The following ADAMTS20 variants were observed in gnomAD, a reference collection of about 807,000 sequenced individuals.
ADAMTS20 encodes the protein A disintegrin and metalloproteinase with thrombospondin motifs 20.
Under a neutral mutation model 260.1 loss-of-function variants are expected in ADAMTS20, and 225 were observed. The observed-to-expected ratio is 0.87, with a 90% CI of 0.78 to 0.97. The LOEUF is 0.97. Among genes scored for constraint, ADAMTS20 ranks in the 50% least tolerant of loss-of-function variants. ADAMTS20 has a pLI of 0.00. For missense variants in ADAMTS20, 2,400 were observed against 2,337.7 expected (o/e 1.03, Z -0.55); for synonymous variants, 802 against 769.5 (o/e 1.04, Z -0.70).
At chr12:43,430,878 T>C (rs1941429288) in intron 22 of ADAMTS20, among the ~76,000 whole-genome samples, 1 of 152,086 alleles carries the variant, frequency 6.6e-6, no homozygotes, top group Non-Finnish European at 1.5e-5. Flanking sequence ...AAAGGGAAAA[T>C]GAGAGAAGGC....
At chr12:43,460,990 T>TATATATATATA (rs1942054178) in intron 11 of ADAMTS20, among the ~76,000 whole-genome samples, 1 of 27,830 alleles carries the variant, frequency 3.6e-5, no homozygotes, top group African/African-American at 1.1e-4. Context: ...ATATATATAT[T>TATATATATATA]TTTTTTTTTT....
At chr12:43,380,757 AATTC>A (rs1940332333) in intron 31 of ADAMTS20, among the ~76,000 whole-genome samples, 1 of 152,174 alleles carries the variant, frequency 6.6e-6, no homozygotes, top group African/African-American at 2.4e-5. Flanking sequence ...AATTAATGGA[AATTC>A]ATTCCACATT....
intron 11 of ADAMTS20, among the ~76,000 whole-genome samples, chr12:43,458,547 A>T (rs1046796305): frequency 6.6e-6 from 1 of 152,176 alleles, no homozygotes; most frequent in Admixed American, 6.5e-5. Flanking sequence ...TTTACCCCAG[A>T]TATCCTCATA....
At chr12:43,500,611 T>C (rs980033120) in intron 4 of ADAMTS20, among the ~76,000 whole-genome samples, 1 of 152,296 alleles carries the variant, frequency 6.6e-6, no homozygotes, top group Non-Finnish European at 1.5e-5. Context: ...AAAAATTCAA[T>C]TGAAGTAAAC....
chr12:43,540,168 C>T (rs1054554187), intron 2 of ADAMTS20, among the ~76,000 whole-genome samples: 1 of 152,206 alleles, frequency 6.6e-6, no homozygotes, highest in Non-Finnish European at 1.5e-5. Context: ...CCATGCCCGG[C>T]CAACCACAGA....
intron 8 of ADAMTS20, 50 bp from the exon 9 acceptor site, chr12:43,466,845 T>A (rs368041287): frequency 2.9e-5 from 38 of 1,329,400 alleles, no homozygotes; most frequent in Non-Finnish European, 3.9e-5. Flanking sequence ...ATGCTTACGA[T>A]ATTAGTAATA....
At chr12:43,460,988 A>ATATATTTTTTTTTTTTTTTT in intron 11 of ADAMTS20, among the ~76,000 whole-genome samples, 1 of 26,396 alleles carries the variant, frequency 3.8e-5, no homozygotes, top group African/African-American at 1.3e-4. Context: ...ATATATATAT[A>ATATATTTTTTTTTTTTTTTT]TTTTTTTTTT....
intron 28 of ADAMTS20, chr12:43,423,530 G>A (rs1941273204): frequency 3.4e-6 from 2 of 584,310 alleles, no homozygotes; most frequent in Non-Finnish European, 3.0e-6. Context: ...TTAGCAGTTA[G>A]GATTCTGCTC....
intron 10 of ADAMTS20, among the ~76,000 whole-genome samples, chr12:43,463,562 G>GT (rs1405337745): frequency 4.6e-5 from 7 of 151,960 alleles, no homozygotes; most frequent in Non-Finnish European, 8.8e-5. Flanking sequence ...TAAATTCAAA[G>GT]TTTATTTAGT....
At chr12:43,422,319 T>C (rs1941251174) in intron 28 of ADAMTS20, among the ~76,000 whole-genome samples, 1 of 151,934 alleles carries the variant, frequency 6.6e-6, no homozygotes. Flanking sequence ...GCATACACAC[T>C]CTTAATTTTC....
chr12:43,527,610 GA>G (rs1435351589), intron 3 of ADAMTS20, among the ~76,000 whole-genome samples: 1 of 151,904 alleles, frequency 6.6e-6, no homozygotes, highest in Non-Finnish European at 1.5e-5. Flanking sequence ...AACAGATGTA[GA>G]AAAAGCACTT....
At chr12:43,530,074 A>G (rs979028915) in intron 3 of ADAMTS20, among the ~76,000 whole-genome samples, 3 of 152,154 alleles carry the variant, frequency 2.0e-5, no homozygotes, top group Non-Finnish European at 4.4e-5. Context: ...AATATTGTAG[A>G]AAAAATGTAT....
intron 22 of ADAMTS20, among the ~76,000 whole-genome samples, 188 bp from the exon 23 acceptor site, chr12:43,430,659 C>T (rs1296690055): frequency 6.6e-6 from 1 of 151,682 alleles, no homozygotes; most frequent in Non-Finnish European, 1.5e-5. Context: ...TAAGTAAATA[C>T]CAAATATTGA....
At chr12:43,497,669 T>C (rs973405262) in intron 4 of ADAMTS20, among the ~76,000 whole-genome samples, 3 of 152,080 alleles carry the variant, frequency 2.0e-5, no homozygotes, top group Non-Finnish European at 4.4e-5. Flanking sequence ...TTAAAAATCT[T>C]CCCCATCCTA....
chr12:43,441,376 C>CA (rs2137328360), intron 16 of ADAMTS20, among the ~76,000 whole-genome samples: 1 of 151,616 alleles, frequency 6.6e-6, no homozygotes, highest in Non-Finnish European at 1.5e-5. Flanking sequence ...GTATTAGTAA[C>CA]ATTACTTTTT....
Position 43,506,587 on chromosome 12 carries a change from C to A in ADAMTS20, c.614-4182G>T, listed in dbSNP as rs542520720. On this transcript the variant is annotated intron_variant, in intron 3 of 38. Transcript: ENST00000389420. ...CTCCGCTTCTCGGCTTCAAGCAATT[C>A]TCCTGCCTCGGCCTCCTGAGTAGCT... Among the ~76,000 whole-genome samples, 18 of 151,944 alleles carry A rather than the reference C, an allele frequency of 1.2e-4. No individual in the cohort carries two copies. The East Asian group carries it at 3.1e-3, about 26-fold the overall frequency.
intron 28 of ADAMTS20, among the ~76,000 whole-genome samples, chr12:43,417,857 C>G (rs1038803543): frequency 6.6e-5 from 10 of 152,166 alleles, no homozygotes; most frequent in African/African-American, 2.4e-4. Flanking sequence ...AAGAAGGAGA[C>G]CATCACTCTG....
chr12:43,396,509 ATAGAAT>A (rs760041267), intron 29 of ADAMTS20, among the ~76,000 whole-genome samples: 2 of 152,184 alleles, frequency 1.3e-5, no homozygotes, highest in Non-Finnish European at 2.9e-5. Context: ...GGTGCTTTTT[ATAGAAT>A]AAATCAAAAG....
At chr12:43,373,650 A>G (rs1246342594) in intron 36 of ADAMTS20, among the ~76,000 whole-genome samples, 1 of 147,200 alleles carries the variant, frequency 6.8e-6, no homozygotes, top group Admixed American at 6.7e-5. Flanking sequence ...CAATGACTAG[A>G]TATGTTAGAA....
Sources: gnomAD v4.1 joint callset for allele counts (sites outside exome capture counted in the v4.1 genomes callset) on GRCh38, gnomAD v4.1.1 for gene constraint, MANE v1.5 for transcripts, NCBI Gene and HGNC (gene_info 2026-07-23, HGNC 2026-07-21) for gene names.